Variants in DCX observed in about 807,000 individuals in gnomAD.
DCX encodes doublecortin.
A neutral mutation model predicts 20.9 loss-of-function variants in DCX; 4 were observed. That is an observed-to-expected ratio of 0.19 (90% CI 0.09 to 0.44). The LOEUF (loss-of-function observed/expected upper bound fraction) is 0.44, where lower values mean the gene tolerates loss of function less well. DCX is among the 20% of genes least tolerant of loss of function. The pLI is 0.99. For missense variants in DCX, 133 were observed against 296.9 expected, an observed-to-expected ratio of 0.45 and a Z score of 4.06; for synonymous variants, 103 against 111.4, an observed-to-expected ratio of 0.92 and a Z score of 0.47.
chrX:111,410,443 G>C (rs1928611540), intron 1 of DCX, 23 bp from the exon 2 acceptor site: 2 of 1,207,415 alleles, frequency 1.7e-6, no homozygotes, highest in Non-Finnish European at 2.2e-6. Flanking sequence ...GAAAGGGATG[G>C]GGGTGAAGAG....
intron 3 of DCX, among the ~76,000 whole-genome samples, chrX:111,393,071 A>G (rs1484103679): frequency 1.8e-5 from 2 of 111,598 alleles, no homozygotes; most frequent in Non-Finnish European, 3.8e-5. Context: ...TGTATTGTAG[A>G]GTATTGTAGA....
chrX:111,312,781 T>G (rs769677424), intron 5 of DCX, 45 bp from the exon 6 acceptor site: 1 of 1,137,371 alleles, frequency 8.8e-7, no homozygotes, highest in Admixed American at 2.2e-5. Flanking sequence ...ATCAACAGCA[T>G]ACAAAGGAGC....
At chrX:111,316,714 A>G (rs2095073565) in intron 5 of DCX, among the ~76,000 whole-genome samples, 1 of 111,779 alleles carries the variant, frequency 8.9e-6, no homozygotes, top group African/African-American at 3.3e-5. Flanking sequence ...CTCATAAACA[A>G]TGTCAGCAAA....
intron 2 of DCX, among the ~76,000 whole-genome samples, chrX:111,406,100 C>T (rs546290021): frequency 5.3e-5 from 6 of 112,379 alleles, no homozygotes; most frequent in African/African-American, 1.9e-4. Flanking sequence ...TTCTGCACGT[C>T]TCAAAACTCC....
intron 6 of DCX, among the ~76,000 whole-genome samples, chrX:111,303,894 C>A (rs1035535237): frequency 6.3e-5 from 7 of 111,898 alleles, no homozygotes; most frequent in Non-Finnish European, 1.1e-4. Flanking sequence ...CATATGGTCT[C>A]TGTCACACAT....
At chrX:111,343,446 G>GAAA (rs371125870) in intron 3 of DCX, among the ~76,000 whole-genome samples, 1 of 47,560 alleles carries the variant, frequency 2.1e-5, no homozygotes, top group Non-Finnish European at 4.4e-5. Flanking sequence ...TACCAACCAA[G>GAAA]AAAAAAAAAA....
intron 3 of DCX, among the ~76,000 whole-genome samples, chrX:111,373,556 C>T (rs1423232238): frequency 9.0e-6 from 1 of 111,496 alleles, no homozygotes; most frequent in Non-Finnish European, 1.9e-5. Flanking sequence ...TCACTCTTGT[C>T]TCCAGGAATA....
At chrX:111,313,058 G>A (rs2095061216) in intron 5 of DCX, among the ~76,000 whole-genome samples, 1 of 111,221 alleles carries the variant, frequency 9.0e-6, no homozygotes, top group African/African-American at 3.3e-5. Flanking sequence ...ATCTCTGGGA[G>A]GTAGTCTGGG....
intron 3 of DCX, among the ~76,000 whole-genome samples, chrX:111,361,075 T>A (rs1924168962): frequency 9.0e-6 from 1 of 111,654 alleles, no homozygotes; most frequent in Admixed American, 9.5e-5. Flanking sequence ...CTCTATATAT[T>A]TCCAAATGTC....
Position 111,410,197 on chromosome X carries a change from T to A in DCX, c.202A>T (p.Ile68Phe). 1.7e-6 allele frequency: 2 copies of A among 1,211,338 alleles called. No individual in the cohort carries two copies. Among genetic ancestry groups the A allele is most frequent in the Non-Finnish European group, 2.2e-6 (2 of 895,441 alleles). The change falls in exon 2 of 7, where the codon ATT (isoleucine) becomes TTT (phenylalanine). Residue 68 changes from isoleucine (I) to phenylalanine (F), a missense_variant. Physicochemically the swap from Ile to Phe is conservative, Grantham distance 21. Coordinates refer to ENST00000636035, the MANE Select transcript of DCX (RefSeq NM_001195553.2). ...CGGTCAGAGGACACAGCGTACACAATCCCCTTGAAGTAGCGGTCCCCATTG... is the reference window on the plus strand; with the variant it reads ...CGGTCAGAGGACACAGCGTACACAAACCCCTTGAAGTAGCGGTCCCCATTG... ...YRNGDRYFKGIVYAVSSDRFR... is the reference protein window; with the variant it reads ...YRNGDRYFKGFVYAVSSDRFR...
chrX:111,369,951 A>G (rs1032538527), intron 3 of DCX, among the ~76,000 whole-genome samples: 1 of 111,732 alleles, frequency 8.9e-6, no homozygotes, highest in African/African-American at 3.3e-5. Context: ...GGTTTTGATC[A>G]TCTACTTTGA....
chrX:111,407,838 A>G (rs749932284), intron 2 of DCX, among the ~76,000 whole-genome samples: 1 of 109,508 alleles, frequency 9.1e-6, no homozygotes, highest in African/African-American at 3.3e-5. Flanking sequence ...ACACACACAC[A>G]TATCTAGGGA....
intron 5 of DCX, among the ~76,000 whole-genome samples, chrX:111,314,338 C>T (rs2095064644): frequency 8.9e-6 from 1 of 111,733 alleles, no homozygotes; most frequent in African/African-American, 3.3e-5. Context: ...AAGCTACTTC[C>T]TGGGGGAGGC....
intron 3 of DCX, among the ~76,000 whole-genome samples, chrX:111,362,761 C>T (rs971399922): frequency 9.0e-6 from 1 of 110,761 alleles, no homozygotes; most frequent in African/African-American, 3.3e-5. Flanking sequence ...TTCCCTGTCT[C>T]TCACAAATGC....
At chrX:111,354,733 C>T (rs890530651) in intron 3 of DCX, among the ~76,000 whole-genome samples, 1 of 112,382 alleles carries the variant, frequency 8.9e-6, no homozygotes, top group African/African-American at 3.2e-5. Flanking sequence ...CAACTCAAAG[C>T]TTTCCACTTC....
intron 3 of DCX, among the ~76,000 whole-genome samples, chrX:111,371,992 A>C (rs1469777190): frequency 6.3e-5 from 7 of 110,328 alleles, no homozygotes; most frequent in Admixed American, 2.9e-4. Flanking sequence ...TGTCTAATCT[A>C]TTCAGTTATA....
chrX:111,409,912 C>G, intron 2 of DCX, 123 bp downstream of exon 2: 1 of 926,994 alleles, frequency 1.1e-6, no homozygotes, highest in Non-Finnish European at 1.5e-6. Context: ...GAAATTTGAG[C>G]ATCAATCAAC....
At chrX:111,410,949 T>C in intron 1 of DCX, 1 of 1,210,054 alleles carries the variant, frequency 8.3e-7, no homozygotes, top group Non-Finnish European at 1.1e-6. Flanking sequence ...TTCAGTACAA[T>C]GACTATGAAG....
chrX:111,343,468 GGACCAGACA>G (rs1922494805), intron 3 of DCX, among the ~76,000 whole-genome samples: 1 of 104,982 alleles, frequency 9.5e-6, no homozygotes, highest in African/African-American at 3.5e-5. Flanking sequence ...AAAAAGCCCA[GGACCAGACA>G]GATTCACAGC....
Sources: gnomAD v4.1 joint callset for allele counts (sites outside exome capture counted in the v4.1 genomes callset) on GRCh38, gnomAD v4.1.1 for gene constraint, MANE v1.5 for transcripts, NCBI Gene and HGNC (gene_info 2026-07-23, HGNC 2026-07-21) for gene names.